ERICH5: variants seen among roughly 807,000 people sequenced by gnomAD.
ERICH5 encodes glutamate rich 5, also known as glutamate-rich protein 5.
A neutral mutation model predicts 28.0 loss-of-function variants in ERICH5; 24 were observed. The ratio of observed to expected loss-of-function variants is 0.86; its 90% CI spans 0.62 to 1.21. The LOEUF (loss-of-function observed/expected upper bound fraction) is 1.21, where lower values mean the gene tolerates loss of function less well. Among genes scored for constraint, ERICH5 ranks in the 50% most tolerant of loss-of-function variants. ERICH5 has a pLI of 0.00. For synonymous variants in ERICH5, 163 were observed against 157.6 expected (o/e 1.03, Z -0.25); for missense variants, 421 against 441.2 (o/e 0.95, Z 0.41).
At chr8:98,084,847 T>A (rs1337278722) in intron 1 of ERICH5, among the ~76,000 whole-genome samples, 2 of 152,146 alleles carry the variant, frequency 1.3e-5, no homozygotes, top group Non-Finnish European at 2.9e-5. Flanking sequence ...AAACTCTGGT[T>A]TATCTGTACA....
At chr8:98,091,629 A>G (rs1815384006) in intron 2 of ERICH5, among the ~76,000 whole-genome samples, 1 of 152,228 alleles carries the variant, frequency 6.6e-6, no homozygotes, top group African/African-American at 2.4e-5. Context: ...CCATGGAACT[A>G]GGGCCAATGT....
chr8:98,080,582 TCCTTCTTCTCCTTCA>T lies in ERICH5; in HGVS notation c.59-8479_59-8465del, dbSNP rs1173943322. ...AATCTTTCATTTCTTCTTCTCCTTC[TCCTTCTTCTCCTTCA>T]CCTTCTTCTCCTTCTCCTTCTTCTT... On this transcript the variant is annotated intron_variant, in intron 1 of 2. Transcript: ENST00000318528. Among the ~76,000 whole-genome samples, 50 of 152,182 alleles carry T rather than the reference TCCTTCTTCTCCTTCA, an allele frequency of 3.3e-4. No individual in the cohort carries two copies. The East Asian group carries it at 7.5e-3, about 23-fold the overall frequency.
chr8:98,085,136 C>CTTTT lies in ERICH5; in HGVS notation c.59-3901_59-3898dup, dbSNP rs760470751. ...TTCCCTGGTGTGAACGTTCCACAGC[C>CTTTT]TTTTTTTTTTTTTTTTTTTTTTTTT... On this transcript the variant is annotated intron_variant, in intron 1 of 2. Coordinates refer to ENST00000318528, the MANE Select transcript of ERICH5 (RefSeq NM_173549.3). 2.3e-4 allele frequency among the ~76,000 whole-genome samples: 13 copies of CTTTT among 57,318 alleles called. 2 individuals carry two copies. Among genetic ancestry groups the CTTTT allele is most frequent in the East Asian group, 1.1e-3 (2 of 1,792 alleles). The allele number at this position is 57,318 out of a possible 152,430, so 37.6% of individuals were successfully genotyped here.
intron 1 of ERICH5, among the ~76,000 whole-genome samples, chr8:98,086,296 A>G (rs1221516452): frequency 6.6e-6 from 1 of 152,188 alleles, no homozygotes; most frequent in Non-Finnish European, 1.5e-5. Context: ...CAGTAGAGAA[A>G]ACTGAGAACC....
At position 98,089,616 on chromosome 8, in the gene ERICH5, C is replaced by T; in HGVS notation, c.599C>T (p.Ala200Val). 1 of 1,614,130 alleles carries T rather than the reference C, an allele frequency of 6.2e-7. No individual in the cohort carries two copies. The highest frequency in any genetic ancestry group is 8.5e-7 in the Non-Finnish European group (1 of 1,180,024). Reference sequence around the variant, plus strand: ...GAGAACGTTCTGACTCTGCAAATAGCTGGAGAGCTACAACCTCAGGGCACA... The same window carrying T: ...GAGAACGTTCTGACTCTGCAAATAGTTGGAGAGCTACAACCTCAGGGCACA... ...TTENVLTLQI[A>V]GELQPQGTVG... Residue 200 changes from alanine (A) to valine (V), a missense_variant, in exon 2 of 3, where the codon GCT (alanine) becomes GTT (valine). Transcript: ENST00000318528.
intron 1 of ERICH5, among the ~76,000 whole-genome samples, chr8:98,086,856 C>T (rs894507366): frequency 6.7e-6 from 1 of 149,496 alleles, no homozygotes. Flanking sequence ...GAGGCTGAGG[C>T]AGGAGAATGG....
chr8:98,077,980 T>G (rs1422968011), intron 1 of ERICH5, among the ~76,000 whole-genome samples: 2 of 152,232 alleles, frequency 1.3e-5, no homozygotes, highest in Non-Finnish European at 2.9e-5. Flanking sequence ...TCAGGTGCTT[T>G]TATTAAAAAA....
chr8:98,066,128 A>G (rs756780699), intron 1 of ERICH5, among the ~76,000 whole-genome samples: 138 of 152,218 alleles, frequency 9.1e-4, no homozygotes, highest in Non-Finnish European at 6.3e-4. Context: ...TTTCTCCTAA[A>G]GAACCCAGAG....
chr8:98,085,536 T>C (rs1287275520), intron 1 of ERICH5, among the ~76,000 whole-genome samples: 1 of 150,490 alleles, frequency 6.6e-6, no homozygotes, highest in Non-Finnish European at 1.5e-5. Context: ...CTGTTACAAA[T>C]AAAGATGCTA....
chr8:98,081,302 C>T (rs770340445), intron 1 of ERICH5, among the ~76,000 whole-genome samples: 26 of 151,892 alleles, frequency 1.7e-4, no homozygotes, highest in African/African-American at 6.0e-4. Context: ...AGACAGGTTT[C>T]GCCATGTTGT....
At position 98,064,637 on chromosome 8, in the gene ERICH5, G is replaced by T. The variant is rs773608116; in HGVS notation, c.-33G>T. 4 of 1,487,378 alleles carry T rather than the reference G, an allele frequency of 2.7e-6. No individual in the cohort carries two copies. The East Asian group carries it at 7.7e-5, about 29-fold the overall frequency. 92.1% of individuals were successfully genotyped at this position (1,487,378 alleles called of 1,614,324 possible). On this transcript the variant is annotated 5_prime_UTR_variant, in exon 1 of 3. Transcript: ENST00000318528. ...TTCCCGGTTCCGGGCCGACACCCGC[G>T]CAGGGCTGAGACAGGTGTCTGCGCT...
At position 98,073,547 on chromosome 8, in the gene ERICH5, AT is replaced by A. The variant is rs3075369; in HGVS notation, c.58+8833del. Among the ~76,000 whole-genome samples the A allele has an allele frequency of 3.6e-3, 83 of 22,926 alleles. 8 individuals are homozygous for A. Among genetic ancestry groups the A allele is most frequent in the African/African-American group, 0.011 (80 of 6,990 alleles). The allele number at this position is 22,926 out of a possible 152,430, so 15.0% of individuals were successfully genotyped here. On this transcript the variant is annotated intron_variant, in intron 1 of 2. Transcript: ENST00000318528. Reference sequence around the variant, plus strand: ...ATATATATATATATATATATATATAATTTTTTTTTTTTTGAGGCAGAGTTTT... The same window carrying A: ...ATATATATATATATATATATATATAATTTTTTTTTTTTGAGGCAGAGTTTT...
intron 1 of ERICH5, among the ~76,000 whole-genome samples, chr8:98,081,170 A>G (rs969864148): frequency 6.6e-6 from 1 of 151,932 alleles, no homozygotes; most frequent in African/African-American, 2.4e-5. Flanking sequence ...CAGTGGCACA[A>G]TCATGGCTCA....
intron 1 of ERICH5, among the ~76,000 whole-genome samples, chr8:98,088,717 G>A (rs1815324162): frequency 6.6e-6 from 1 of 152,170 alleles, no homozygotes; most frequent in Admixed American, 6.5e-5. Flanking sequence ...TTTTAAAAAG[G>A]AAACCTTCTA....
chr8:98,069,218 C>A (rs1401645441), intron 1 of ERICH5, among the ~76,000 whole-genome samples: 2 of 151,802 alleles, frequency 1.3e-5, no homozygotes, highest in East Asian at 1.9e-4. Context: ...ATAGGCCTGG[C>A]GATTGCATAT....
chr8:98,081,927 TAA>T lies in ERICH5; in HGVS notation c.59-7134_59-7133del, dbSNP rs200498974. ...TGGGCAACAAGAATGAAACTTCGTC[TAA>T]AAAAAAAAAAAAAATTCCCCTATAC... On this transcript the variant is annotated intron_variant, in intron 1 of 2. Transcript: ENST00000318528. Among the ~76,000 whole-genome samples, 1,308 of 139,378 alleles carry T rather than the reference TAA, an allele frequency of 9.4e-3. 16 individuals carry two copies. Among genetic ancestry groups the T allele is most frequent in the African/African-American group, 0.031 (1,162 of 37,832 alleles). The allele number at this position is 139,378 out of a possible 152,430, so 91.4% of individuals were successfully genotyped here.
chr8:98,066,163 A>G (rs943407731), intron 1 of ERICH5, among the ~76,000 whole-genome samples: 5 of 152,254 alleles, frequency 3.3e-5, no homozygotes, highest in African/African-American at 4.8e-5. Context: ...ACAAGAGGAC[A>G]GAGCAAGGAG....
At chr8:98,074,685 A>G (rs1815018055) in intron 1 of ERICH5, among the ~76,000 whole-genome samples, 4 of 152,114 alleles carry the variant, frequency 2.6e-5, no homozygotes. Flanking sequence ...AATAAATTTT[A>G]TTTTAGAATA....
intron 1 of ERICH5, among the ~76,000 whole-genome samples, chr8:98,073,581 C>T (rs547455921): frequency 8.4e-5 from 11 of 131,414 alleles, no homozygotes; most frequent in East Asian, 7.3e-4. Flanking sequence ...TTTGCTGTGT[C>T]GCCCAGGCTG....
Sources: allele counts gnomAD v4.1 joint callset (sites outside exome capture counted in the v4.1 genomes callset), GRCh38; gene constraint gnomAD v4.1.1; transcripts MANE v1.5; gene names NCBI Gene and HGNC (gene_info 2026-07-23, HGNC 2026-07-21).